The following DYRK1A variants were observed in gnomAD, a reference collection of about 807,000 sequenced individuals.
DYRK1A encodes dual specificity tyrosine phosphorylation regulated kinase 1A.
DYRK1A carries 9 observed loss-of-function variants against 79.7 expected under a neutral mutation model. That is an observed-to-expected ratio of 0.11 (90% CI 0.07 to 0.20). The LOEUF is 0.20. Among genes scored for constraint, DYRK1A ranks in the 10% least tolerant of loss-of-function variants. The probability of loss-of-function intolerance (pLI) is 1.00; values close to 1 mark genes in which losing one functional copy is unlikely to be tolerated. For missense variants in DYRK1A, 622 were observed against 956.0 expected, an observed-to-expected ratio of 0.65 and a Z score of 4.61; for synonymous variants, 349 against 329.7, an observed-to-expected ratio of 1.06 and a Z score of -0.63.
chr21:37,420,336 C>T lies in DYRK1A; in HGVS notation c.-39C>T, dbSNP rs752333853. 6.8e-6 allele frequency: 11 copies of T among 1,608,462 alleles called. No homozygotes were observed. The highest frequency in any genetic ancestry group is 8.5e-7 in the Non-Finnish European group (1 of 1,176,348). On this transcript the variant is annotated 5_prime_UTR_variant, in exon 2 of 12. Coordinates refer to ENST00000647188, the MANE Select transcript of DYRK1A (RefSeq NM_001347721.2). ...GCCGCTGGACTCTTCCCTCCCTTCC[C>T]CCACCCCATCAGGATGATATGAGAC...
intron 2 of DYRK1A, among the ~76,000 whole-genome samples, chr21:37,431,390 T>C (rs73218415): frequency 0.075 from 11,482 of 152,306 alleles, 644 homozygotes; most frequent in Non-Finnish European, 0.11. Flanking sequence ...TGTAAACATT[T>C]CCTGCAATGC....
chr21:37,442,598 C>CT (rs1317468001), intron 2 of DYRK1A, among the ~76,000 whole-genome samples: 1 of 151,890 alleles, frequency 6.6e-6, no homozygotes, highest in Non-Finnish European at 1.5e-5. Context: ...CCTCTTCTTT[C>CT]TTTTTTTAAA....
chr21:37,393,017 C>T (rs746141432), intron 1 of DYRK1A, among the ~76,000 whole-genome samples: 6 of 152,230 alleles, frequency 3.9e-5, no homozygotes, highest in Non-Finnish European at 7.3e-5. Context: ...AGGGCAAAGC[C>T]CTTATGACCT....
Position 37,505,295 on chromosome 21 carries a change from C to T in DYRK1A, c.1225C>T (p.Pro409Ser). The T allele has an allele frequency of 1.9e-6, 3 of 1,610,362 alleles. No homozygotes were observed. The highest frequency in any genetic ancestry group is 2.5e-6 in the Non-Finnish European group (3 of 1,177,016). ...TTCTCTCTTACAGGAGTACAAACCA[C>T]CAGGAACCCGTAAACTTCATAACAT... is the stretch of plus-strand genomic sequence containing the variant. ...TKDGKREYKP[P>S]GTRKLHNILG... The change falls in exon 10 of 12, where the codon CCA (proline) becomes TCA (serine). Residue 409 changes from proline (P) to serine (S), a missense_variant. This residue lies in a region of DYRK1A where 80 missense variants were observed against 116.5 expected (regional missense o/e 0.69). Transcript: ENST00000647188.
chr21:37,484,774 A>G (rs1024555079), intron 5 of DYRK1A, among the ~76,000 whole-genome samples: 4 of 152,072 alleles, frequency 2.6e-5, no homozygotes, highest in Non-Finnish European at 4.4e-5. Flanking sequence ...TAGTTTTCTC[A>G]TACTCAGATT....
At chr21:37,408,033 C>CA (rs2050179677) in intron 1 of DYRK1A, among the ~76,000 whole-genome samples, 1 of 152,122 alleles carries the variant, frequency 6.6e-6, no homozygotes, top group Non-Finnish European at 1.5e-5. Context: ...GAAATCAAAG[C>CA]TTACATAGGC....
At chr21:37,493,933 CTTTTTTTTTTTTT>C (rs35158368) in intron 8 of DYRK1A, among the ~76,000 whole-genome samples, 1 of 114,228 alleles carries the variant, frequency 8.8e-6, no homozygotes, top group Non-Finnish European at 1.7e-5. Flanking sequence ...TTTAATTCTT[CTTTTTTTTTTTTT>C]TTTTTTTTCC....
At chr21:37,477,870 A>T (rs1348922618) in intron 3 of DYRK1A, among the ~76,000 whole-genome samples, 1 of 152,104 alleles carries the variant, frequency 6.6e-6, no homozygotes, top group African/African-American at 2.4e-5. Context: ...TCTTTGGGCT[A>T]ATTGTGTGGT....
chr21:37,492,859 T>G (rs1457808335), intron 7 of DYRK1A, among the ~76,000 whole-genome samples, 158 bp from the exon 8 acceptor site: 1 of 152,188 alleles, frequency 6.6e-6, no homozygotes, highest in East Asian at 1.9e-4. Context: ...GTTTAGTTCT[T>G]TAAGCCGTAT....
chr21:37,403,743 C>T (rs1569295580), intron 1 of DYRK1A, among the ~76,000 whole-genome samples: 1 of 149,494 alleles, frequency 6.7e-6, no homozygotes, highest in East Asian at 1.9e-4. Flanking sequence ...GCCATCCTGC[C>T]TTAGCCTCCC....
chr21:37,509,431 A>G (rs1044519738), intron 11 of DYRK1A, among the ~76,000 whole-genome samples: 2 of 151,850 alleles, frequency 1.3e-5, no homozygotes, highest in African/African-American at 2.4e-5. Flanking sequence ...CCATTCCCCT[A>G]TTGTTTGTTT....
chr21:37,401,708 C>T (rs541151524), intron 1 of DYRK1A, among the ~76,000 whole-genome samples: 86 of 152,204 alleles, frequency 5.7e-4, no homozygotes, highest in Non-Finnish European at 5.4e-4. Flanking sequence ...GTCTCGAACT[C>T]CTGACCTCAG....
chr21:37,430,216 G>A (rs2050739572), intron 2 of DYRK1A: 2 of 864,584 alleles, frequency 2.3e-6, no homozygotes, highest in Admixed American at 1.2e-4. Context: ...ATATAGGTAT[G>A]TTCACTTACA....
chr21:37,380,412 A>C (rs1430495578), intron 1 of DYRK1A, among the ~76,000 whole-genome samples: 1 of 149,048 alleles, frequency 6.7e-6, no homozygotes, highest in East Asian at 2.0e-4. Flanking sequence ...TTTTTTTTGT[A>C]TTTCGTTGTT....
At chr21:37,480,536 A>T (rs908890258) in intron 4 of DYRK1A, 102 bp from the exon 5 acceptor site, 4 of 889,404 alleles carry the variant, frequency 4.5e-6, no homozygotes, top group Non-Finnish European at 6.6e-6. Flanking sequence ...TTCTAACTCA[A>T]ATGTCAACTG....
At chr21:37,460,905 AC>A in intron 2 of DYRK1A, among the ~76,000 whole-genome samples, 1 of 152,302 alleles carries the variant, frequency 6.6e-6, no homozygotes, top group African/African-American at 2.4e-5. Context: ...TATCCTCTGT[AC>A]AATATGATAA....
At chr21:37,463,203 C>CGTGTGTGTGTGTGTGT (rs6147501) in intron 2 of DYRK1A, among the ~76,000 whole-genome samples, 10,049 of 145,186 alleles carry the variant, frequency 0.069, 411 homozygotes, top group East Asian at 0.12. Flanking sequence ...AATGTTGGCA[C>CGTGTGTGTGTGTGTGT]GTGTGTGTGT....
intron 11 of DYRK1A, among the ~76,000 whole-genome samples, chr21:37,510,931 C>A (rs1381277910): frequency 6.6e-6 from 1 of 152,174 alleles, no homozygotes; most frequent in Non-Finnish European, 1.5e-5. Flanking sequence ...TGTGCACAAC[C>A]AGTAGCTTCT....
At chr21:37,454,881 C>G (rs2148510999) in intron 2 of DYRK1A, among the ~76,000 whole-genome samples, 1 of 152,224 alleles carries the variant, frequency 6.6e-6, no homozygotes, top group South Asian at 2.1e-4. Context: ...CTTATCCAGA[C>G]AGATTTTAAT....
Sources: gnomAD v4.1 joint callset for allele counts (sites outside exome capture counted in the v4.1 genomes callset) on GRCh38, gnomAD v4.1.1 for gene constraint, gnomAD v4.1.1 regional missense constraint, MANE v1.5 for transcripts, NCBI Gene and HGNC (gene_info 2026-07-23, HGNC 2026-07-21) for gene names.